HFM1: variants seen among roughly 807,000 people sequenced by gnomAD.
HFM1 encodes the protein helicase for meiosis 1.
Under a neutral mutation model 192.1 loss-of-function variants are expected in HFM1, and 169 were observed. That is an observed-to-expected ratio of 0.88 (90% confidence interval 0.78 to 1.00). The LOEUF (loss-of-function observed/expected upper bound fraction) is 1.00, where lower values mean the gene tolerates loss of function less well. HFM1 is among the 50% of genes least tolerant of loss of function. HFM1 has a pLI of 0.00. For missense variants in HFM1, 1,661 were observed against 1,668.0 expected (o/e 1.00, Z 0.07); for synonymous variants, 525 against 537.8 (o/e 0.98, Z 0.33).
intron 34 of HFM1, among the ~76,000 whole-genome samples, chr1:91,268,466 G>A (rs1380820300): frequency 6.6e-6 from 1 of 151,802 alleles, no homozygotes; most frequent in African/African-American, 2.4e-5. Context: ...TAGTTGTATG[G>A]TCTTAGACAG....
chr1:91,299,888 A>G (rs1484930872), intron 30 of HFM1, among the ~76,000 whole-genome samples: 2 of 152,218 alleles, frequency 1.3e-5, no homozygotes, highest in Non-Finnish European at 2.9e-5. Flanking sequence ...GAGAAGTAAG[A>G]GCAAACACAT....
intron 1 of HFM1, among the ~76,000 whole-genome samples, chr1:91,403,625 C>T (rs1414336170): frequency 6.6e-6 from 1 of 152,128 alleles, no homozygotes; most frequent in Non-Finnish European, 1.5e-5. Context: ...GTTTTAGTTT[C>T]AGCACGTGGC....
In HFM1 at chr1:91,367,035, T is replaced by G. The variant is rs916247765; in HGVS notation, c.1685+8323A>C. ...CTAGCACAGCAGTCTGAGATCAAACTGCAAGGCGGCAGTGAGGCTGGGGGA... is the reference window on the plus strand; with the variant it reads ...CTAGCACAGCAGTCTGAGATCAAACGGCAAGGCGGCAGTGAGGCTGGGGGA... On this transcript the variant is annotated intron_variant, in intron 13 of 38. Coordinates refer to ENST00000370425, the MANE Select transcript of HFM1 (RefSeq NM_001017975.6). 4.6e-5 allele frequency among the ~76,000 whole-genome samples: 7 copies of G among 152,172 alleles called. No homozygotes were observed. The South Asian group carries it at 6.2e-4, about 14-fold the overall frequency.
At chr1:91,390,749 G>A (rs1322760033) in intron 4 of HFM1, among the ~76,000 whole-genome samples, 2 of 152,112 alleles carry the variant, frequency 1.3e-5, no homozygotes, top group African/African-American at 2.4e-5. Context: ...TGGAAGTTCT[G>A]GCCAGGGCAA....
rs543936384 is a variant in HFM1, at chr1:91,385,706, T to C, written c.623A>G (p.Asn208Ser). The C allele has an allele frequency of 1.9e-6, 3 of 1,612,922 alleles. 1 individual carries two copies. In the South Asian group the frequency reaches 3.3e-5, roughly 18 times the overall value. Reference sequence around the variant, plus strand: ...AGAATACTGAAATTTTTGCTTACTATTGCTATAGTTCCTTGATTTCCCTTT... The same window carrying C: ...AGAATACTGAAATTTTTGCTTACTACTGCTATAGTTCCTTGATTTCCCTTT... ...MNKGKSRNYS[N>S]SKQKFQYSAN... Residue 208 changes from asparagine (N) to serine (S), a missense_variant, in exon 5 of 39, where the codon AAT (asparagine) becomes AGT (serine). Physicochemically the swap from Asn to Ser is conservative, Grantham distance 46. Transcript: ENST00000370425.
chr1:91,312,464 T>C (rs1321742002), intron 30 of HFM1, among the ~76,000 whole-genome samples: 1 of 152,202 alleles, frequency 6.6e-6, no homozygotes. Flanking sequence ...CTTTAAAGTT[T>C]GACTGCTCCA....
intron 30 of HFM1, among the ~76,000 whole-genome samples, chr1:91,307,585 T>C (rs1570894900): frequency 6.6e-6 from 1 of 152,280 alleles, no homozygotes; most frequent in Middle Eastern, 3.4e-3. Context: ...CCCAAGTAGC[T>C]GGGACCACTG....
At chr1:91,371,744 G>C (rs1179043803) in intron 13 of HFM1, among the ~76,000 whole-genome samples, 1 of 150,238 alleles carries the variant, frequency 6.7e-6, no homozygotes, top group African/African-American at 2.5e-5. Flanking sequence ...TGACAAATGG[G>C]ATCTAATTAA....
Position 91,261,378 on chromosome 1 carries a change from A to C in HFM1, c.4239-19T>G. ...ATACATACTGGGAGAAAGAAGAAAA[A>C]GTAAAAATAACTATTTTTTAACACA... On this transcript the variant is annotated intron_variant, in intron 38 of 38. Coordinates refer to ENST00000370425, the MANE Select transcript of HFM1 (RefSeq NM_001017975.6). The C allele has an allele frequency of 8.2e-7, 1 of 1,221,670 alleles. No individual in the cohort carries two copies. Among genetic ancestry groups the C allele is most frequent in the Non-Finnish European group, 1.1e-6 (1 of 918,776 alleles). 75.7% of individuals were successfully genotyped at this position (1,221,670 alleles called of 1,614,324 possible). A position where few individuals can be genotyped will look rare whatever the true frequency, so the allele number is the denominator to read the frequency against.
At chr1:91,342,204 T>C (rs1335836108) in intron 20 of HFM1, among the ~76,000 whole-genome samples, 1 of 136,460 alleles carries the variant, frequency 7.3e-6, no homozygotes, top group African/African-American at 2.7e-5. Context: ...AACAAAATAC[T>C]AGCAAACCAA....
At chr1:91,277,237 T>A (rs996584862) in intron 30 of HFM1, among the ~76,000 whole-genome samples, 175 bp from the exon 31 acceptor site, 1 of 151,536 alleles carries the variant, frequency 6.6e-6, no homozygotes, top group African/African-American at 2.4e-5. Flanking sequence ...AGAGATAGGG[T>A]CTTGCTATCT....
At chr1:91,328,226 TAAG>T (rs890588283) in intron 20 of HFM1, 1 of 499,140 alleles carries the variant, frequency 2.0e-6, no homozygotes, top group African/African-American at 2.0e-5. Context: ...TTAGCCAGAC[TAAG>T]AAGAAAAAGA....
At chr1:91,275,448 T>C (rs1666720845) in intron 32 of HFM1, among the ~76,000 whole-genome samples, 1 of 152,222 alleles carries the variant, frequency 6.6e-6, no homozygotes. Flanking sequence ...CAAACAGTTA[T>C]ATCCAGCTGT....
At chr1:91,360,111 G>A (rs1284184710) in intron 13 of HFM1, among the ~76,000 whole-genome samples, 1 of 152,026 alleles carries the variant, frequency 6.6e-6, no homozygotes, top group Non-Finnish European at 1.5e-5. Context: ...AGTTCCTGAA[G>A]GAAGCACTAA....
intron 30 of HFM1, among the ~76,000 whole-genome samples, chr1:91,305,567 C>CT (rs889187305): frequency 3.8e-4 from 58 of 150,882 alleles, no homozygotes; most frequent in African/African-American, 1.0e-3. Flanking sequence ...TTATTTATTT[C>CT]TTTTTTTTTC....
chr1:91,290,320 G>A (rs12402116), intron 30 of HFM1, among the ~76,000 whole-genome samples: 30,533 of 152,018 alleles, frequency 0.2, 3,748 homozygotes, highest in South Asian at 0.35. Flanking sequence ...CACAGGCAGA[G>A]ACACACATAG....
chr1:91,301,207 C>T (rs12729217), intron 30 of HFM1, among the ~76,000 whole-genome samples: 5 of 151,464 alleles, frequency 3.3e-5, no homozygotes, highest in Middle Eastern at 3.4e-3. Context: ...AATAAAATAC[C>T]TAGGAATCCA....
At chr1:91,372,067 T>C (rs1348849439) in intron 13 of HFM1, among the ~76,000 whole-genome samples, 1 of 152,104 alleles carries the variant, frequency 6.6e-6, no homozygotes, top group Non-Finnish European at 1.5e-5. Context: ...AGAATGGTGA[T>C]CATTAAAAAG....
intron 34 of HFM1, among the ~76,000 whole-genome samples, chr1:91,269,974 T>G (rs1314874529): frequency 6.6e-6 from 1 of 152,272 alleles, no homozygotes; most frequent in East Asian, 1.9e-4. Context: ...CGTTGAAGCT[T>G]ATTTGCCATA....
Sources: gnomAD v4.1 joint callset for allele counts (sites outside exome capture counted in the v4.1 genomes callset) on GRCh38, gnomAD v4.1.1 for gene constraint, MANE v1.5 for transcripts, NCBI Gene and HGNC (gene_info 2026-07-23, HGNC 2026-07-21) for gene names.